The following PCDHA7 variants were observed in gnomAD, a reference collection of about 807,000 sequenced individuals.
PCDHA7 encodes protocadherin alpha 7.
In PCDHA7, 37 loss-of-function variants were observed where a neutral mutation model predicts 57.2. The ratio of observed to expected loss-of-function variants is 0.65; its 90% CI spans 0.50 to 0.85. The LOEUF is 0.85. Ranked by LOEUF, PCDHA7 falls within the 40% of genes least tolerant of loss-of-function variation. The pLI, the probability that PCDHA7 is intolerant of heterozygous loss-of-function variation, is 0.00. For synonymous variants in PCDHA7, 553 were observed against 558.8 expected, an observed-to-expected ratio of 0.99 and a Z score of 0.15; for missense variants, 1,188 against 1,241.8, an observed-to-expected ratio of 0.96 and a Z score of 0.65.
At chr5:140,883,329 C>T (rs1554177701) in intron 1 of PCDHA7, 1 of 1,614,166 alleles carries the variant, frequency 6.2e-7, no homozygotes. Context: ...ACCATCACTT[C>T]TTTGTCACTC....
chr5:140,998,596 C>G (rs1301065712), intron 3 of PCDHA7, among the ~76,000 whole-genome samples: 1 of 148,578 alleles, frequency 6.7e-6, no homozygotes, highest in Non-Finnish European at 1.5e-5. Flanking sequence ...CAGAGTTTTG[C>G]TCTTGTTGCC....
chr5:140,896,227 A>G (rs1332090647), intron 1 of PCDHA7, among the ~76,000 whole-genome samples: 1 of 152,230 alleles, frequency 6.6e-6, no homozygotes, highest in Non-Finnish European at 1.5e-5. Flanking sequence ...TCTTTATAGT[A>G]GAATGACTTA....
chr5:140,946,353 A>C (rs2093933429), intron 1 of PCDHA7, among the ~76,000 whole-genome samples: 1 of 151,910 alleles, frequency 6.6e-6, no homozygotes, highest in Admixed American at 6.6e-5. Context: ...GAGGATGTGG[A>C]GAAAAGGGAA....
chr5:140,870,318 G>A (rs372041974), intron 1 of PCDHA7: 11 of 1,614,060 alleles, frequency 6.8e-6, no homozygotes, highest in African/African-American at 4.0e-5. Flanking sequence ...ATTACTACTC[G>A]TTGGTGCTGG....
chr5:140,926,373 G>A (rs1040164585), intron 1 of PCDHA7: 3 of 152,370 alleles, frequency 2.0e-5, no homozygotes, highest in African/African-American at 4.8e-5. Context: ...GGCAGGAAGA[G>A]CCCAGCTGGG....
At chr5:140,854,558 G>A (rs1344773407) in intron 1 of PCDHA7, 1 of 149,764 alleles carries the variant, frequency 6.7e-6, no homozygotes, top group East Asian at 1.9e-4. Flanking sequence ...CATAAATATT[G>A]TTGCTCTGTC....
At chr5:140,841,094 G>C in intron 1 of PCDHA7, 1 of 568,882 alleles carries the variant, frequency 1.8e-6, no homozygotes, top group Non-Finnish European at 3.0e-6. Context: ...GAAGAACCCA[G>C]ATATTGCGGA....
chr5:140,848,754 A>T, intron 1 of PCDHA7: 1 of 1,593,142 alleles, frequency 6.3e-7, no homozygotes, highest in Non-Finnish European at 8.6e-7. Context: ...TTTGTTTGTG[A>T]ATTCTCGGAT....
intron 1 of PCDHA7, among the ~76,000 whole-genome samples, chr5:140,923,142 TA>T (rs1262526439): frequency 5.3e-5 from 8 of 152,122 alleles, no homozygotes; most frequent in East Asian, 3.9e-4. Context: ...AGGTGGAATA[TA>T]AAAAAAATTA....
chr5:140,838,984 C>T (rs1232719148), intron 1 of PCDHA7, among the ~76,000 whole-genome samples: 1 of 151,886 alleles, frequency 6.6e-6, no homozygotes, highest in African/African-American at 2.4e-5. Flanking sequence ...TTTCACTGTT[C>T]CTAATATTCT....
Position 140,835,845 on chromosome 5 carries a change from G to C in PCDHA7, c.1462G>C (p.Ala488Pro). 1.2e-6 allele frequency: 2 copies of C among 1,612,312 alleles called. No homozygotes were observed. Among genetic ancestry groups the C allele is most frequent in the Non-Finnish European group, 1.7e-6 (2 of 1,179,652 alleles). ...GGGGGACGCGGACGCGCAGAAGAAC[G>C]CGCTGGTGTCCTACTCGCTGGTGGA... is the stretch of plus-strand genomic sequence containing the variant. ...SAGDADAQKN[A>P]LVSYSLVELR... is the part of the protein sequence containing the mutation. The change falls in exon 1 of 4, where the codon GCG (alanine) becomes CCG (proline). Residue 488 changes from alanine to proline, a missense_variant. By Grantham distance (27) the Ala-to-Pro change is conservative. This residue lies in a region of PCDHA7 where 892 missense variants were observed against 788.5 expected (regional missense o/e 1.13). Coordinates refer to ENST00000525929, the MANE Select transcript of PCDHA7 (RefSeq NM_018910.3).
intron 3 of PCDHA7, among the ~76,000 whole-genome samples, chr5:140,986,473 CA>C (rs1217616254): frequency 6.6e-6 from 1 of 152,192 alleles, no homozygotes; most frequent in Non-Finnish European, 1.5e-5. Context: ...CTCTTGTGAT[CA>C]GTTCCTAGGG....
intron 1 of PCDHA7, chr5:140,884,471 G>T (rs2060197778): frequency 1.2e-6 from 2 of 1,613,684 alleles, no homozygotes; most frequent in Admixed American, 3.3e-5. Flanking sequence ...GTGCGCGCCG[G>T]GCAAGCCCAC....
chr5:140,897,383 C>T (rs1554187365), intron 1 of PCDHA7, among the ~76,000 whole-genome samples: 1 of 143,902 alleles, frequency 6.9e-6, no homozygotes, highest in African/African-American at 2.6e-5. Flanking sequence ...CTTCCCCTTC[C>T]TGTGTCCATG....
chr5:140,918,925 T>C (rs2078925990), intron 1 of PCDHA7, among the ~76,000 whole-genome samples: 1 of 152,238 alleles, frequency 6.6e-6, no homozygotes, highest in Non-Finnish European at 1.5e-5. Context: ...ACACAGCATA[T>C]GGCATTTTGT....
chr5:141,003,453 A>T (rs2098125483), intron 3 of PCDHA7, among the ~76,000 whole-genome samples: 1 of 152,126 alleles, frequency 6.6e-6, no homozygotes, highest in East Asian at 1.9e-4. Flanking sequence ...ATGAAATTAC[A>T]GGCGTGCACC....
At chr5:140,858,422 G>C in intron 1 of PCDHA7, 3 of 1,554,774 alleles carry the variant, frequency 1.9e-6, no homozygotes, top group Non-Finnish European at 2.6e-6. Flanking sequence ...TATTGGAGGG[G>C]ACCACTCTAG....
At chr5:140,897,881 C>T (rs1417702752) in intron 1 of PCDHA7, among the ~76,000 whole-genome samples, 1 of 152,194 alleles carries the variant, frequency 6.6e-6, no homozygotes. Context: ...GATTGCCATT[C>T]TAACTGGTGT....
intron 1 of PCDHA7, chr5:140,883,443 A>AT (rs1554178222): frequency 6.2e-7 from 1 of 1,614,136 alleles, no homozygotes; most frequent in Admixed American, 1.7e-5. Flanking sequence ...TTGACGCCGC[A>AT]TGTCCCCTTC....
Sources: gnomAD v4.1 joint callset for allele counts (sites outside exome capture counted in the v4.1 genomes callset) on GRCh38, gnomAD v4.1.1 for gene constraint, gnomAD v4.1.1 regional missense constraint, MANE v1.5 for transcripts, NCBI Gene and HGNC (gene_info 2026-07-23, HGNC 2026-07-21) for gene names.